Variants in LTV1 observed in about 807,000 individuals in gnomAD.
LTV1 encodes protein LTV1 homolog.
A neutral mutation model predicts 59.9 loss-of-function variants in LTV1; 39 were observed. The observed-to-expected ratio is 0.65, with a 90% CI of 0.50 to 0.85. The LOEUF (loss-of-function observed/expected upper bound fraction) is 0.85. LTV1 is among the 40% of genes least tolerant of loss of function. The probability of loss-of-function intolerance (pLI) is 0.00; values close to 1 mark genes in which losing one functional copy is unlikely to be tolerated. For synonymous variants in LTV1, 171 were observed against 189.5 expected, an observed-to-expected ratio of 0.90 and a Z score of 0.80; for missense variants, 493 against 549.1, an observed-to-expected ratio of 0.90 and a Z score of 1.02.
Position 143,857,653 on chromosome 6 carries a change from AC to A in LTV1, c.540-96del. Reference sequence around the variant, plus strand: ...CCTCACTCTTCCTGCCTAGACAAGAACCCTTCCTGAAATACCTTCCAATTTT... The same window carrying A: ...CCTCACTCTTCCTGCCTAGACAAGAACCTTCCTGAAATACCTTCCAATTTT... On this transcript the variant is annotated intron_variant, in intron 5 of 10. Coordinates refer to ENST00000367576, the MANE Select transcript of LTV1 (RefSeq NM_032860.5). The surrounding 1 kb of genome is among the most constrained non-coding windows in gnomAD (Gnocchi z 5.2). The A allele has an allele frequency of 7.3e-7, 1 of 1,363,440 alleles. No homozygotes were observed. Among genetic ancestry groups the A allele is most frequent in the South Asian group, 1.3e-5 (1 of 78,196 alleles). 84.5% of individuals were successfully genotyped at this position (1,363,440 alleles called of 1,614,324 possible).
At chr6:143,851,654 A>G (rs1403485639) in intron 4 of LTV1, among the ~76,000 whole-genome samples, 1 of 151,880 alleles carries the variant, frequency 6.6e-6, no homozygotes, top group Non-Finnish European at 1.5e-5. Flanking sequence ...TATACACGTC[A>G]TGGTGGTTTG....
In LTV1 at chr6:143,855,045, G is replaced by A. The variant is rs1018106552; in HGVS notation, c.398-2258G>A. On this transcript the variant is annotated intron_variant, in intron 4 of 10. Coordinates refer to ENST00000367576, the MANE Select transcript of LTV1 (RefSeq NM_032860.5). The surrounding 1 kb of genome is among the most constrained non-coding windows in gnomAD (Gnocchi z 4.6). ...TGATCTGTCTAATATTGACAGTGGGGTGTTAAAGTCTCCCATTATTATTGT... is the reference window on the plus strand; with the variant it reads ...TGATCTGTCTAATATTGACAGTGGGATGTTAAAGTCTCCCATTATTATTGT... Among the ~76,000 whole-genome samples the A allele has an allele frequency of 8.5e-5, 13 of 152,090 alleles. No individual in the cohort carries two copies. The highest frequency in any genetic ancestry group is 1.5e-4 in the Non-Finnish European group (10 of 68,014).
At chr6:143,851,865 T>C (rs2128491372) in intron 4 of LTV1, among the ~76,000 whole-genome samples, 1 of 152,292 alleles carries the variant, frequency 6.6e-6, no homozygotes, top group East Asian at 1.9e-4. Flanking sequence ...AGAGTGATGG[T>C]TTCCAGCTTC....
Position 143,862,320 on chromosome 6 carries a change from G to T in LTV1, c.1063+77G>T. 1 of 1,328,120 alleles carries T rather than the reference G, an allele frequency of 7.5e-7. No individual in the cohort carries two copies. Among genetic ancestry groups the T allele is most frequent in the Non-Finnish European group, 1.0e-6 (1 of 958,336 alleles). The allele number at this position is 1,328,120 out of a possible 1,614,324, so 82.3% of individuals were successfully genotyped here. A position where few individuals can be genotyped will look rare whatever the true frequency, so the allele number is the denominator to read the frequency against. ...CTTTAGGCTGGGTGCGGTGCCTCAC[G>T]CCTGTAGTAATCCCAGCACTTTGGG... On this transcript the variant is annotated intron_variant, in intron 8 of 10. Transcript: ENST00000367576. The surrounding 1 kb of genome is among the most constrained non-coding windows in gnomAD (Gnocchi z 4.2).
At position 143,845,905 on chromosome 6, in the gene LTV1, A is replaced by G. The variant is rs536447716; in HGVS notation, c.136-146A>G. 102 of 632,274 alleles carry G rather than the reference A, an allele frequency of 1.6e-4. 2 individuals carry two copies. Among genetic ancestry groups the G allele is most frequent in the Admixed American group, 6.9e-4 (20 of 29,022 alleles). 39.2% of individuals were successfully genotyped at this position (632,274 alleles called of 1,614,324 possible). ...GTCAAGAATTCTTTGTCTTTTTCCCATCAGCCAAAATGTTCATGTGCCATC... is the reference window on the plus strand; with the variant it reads ...GTCAAGAATTCTTTGTCTTTTTCCCGTCAGCCAAAATGTTCATGTGCCATC... On this transcript the variant is annotated intron_variant, in intron 2 of 10. Coordinates refer to ENST00000367576, the MANE Select transcript of LTV1 (RefSeq NM_032860.5).
chr6:143,845,507 C>T (rs1397083289), intron 2 of LTV1, among the ~76,000 whole-genome samples: 1 of 152,130 alleles, frequency 6.6e-6, no homozygotes, highest in Non-Finnish European at 1.5e-5. Flanking sequence ...TCCAGAGTAG[C>T]CGGTACTACA....
At position 143,857,279 on chromosome 6, in the gene LTV1, G is replaced by T; in HGVS notation, c.398-24G>T. ...AATTGTTGCTATCTTGGGAATTACTGCTTAATTTTTGTTTTCCTTCTAGGA... is the reference window on the plus strand; with the variant it reads ...AATTGTTGCTATCTTGGGAATTACTTCTTAATTTTTGTTTTCCTTCTAGGA... On this transcript the variant is annotated intron_variant, in intron 4 of 10. Transcript: ENST00000367576. This position sits in a 1 kb window ranked among gnomAD's most constrained non-coding sequence, Gnocchi z 5.2. 4 of 1,612,206 alleles carry T rather than the reference G, an allele frequency of 2.5e-6. No individual in the cohort carries two copies. The highest frequency in any genetic ancestry group is 3.4e-6 in the Non-Finnish European group (4 of 1,178,558).
In LTV1 at chr6:143,862,040, C is replaced by A; in HGVS notation, c.924-64C>A. ...CAGCTAAAAATTGCAGTTTTAGTGA[C>A]ATAGTATAATAATAGGTCATTTTTC... On this transcript the variant is annotated intron_variant, in intron 7 of 10. Transcript: ENST00000367576. This position sits in a 1 kb window ranked among gnomAD's most constrained non-coding sequence, Gnocchi z 4.2. 2 of 1,520,280 alleles carry A rather than the reference C, an allele frequency of 1.3e-6. No individual in the cohort carries two copies. The highest frequency in any genetic ancestry group is 8.9e-7 in the Non-Finnish European group (1 of 1,122,342). 94.2% of individuals were successfully genotyped at this position (1,520,280 alleles called of 1,614,324 possible).
intron 6 of LTV1, among the ~76,000 whole-genome samples, chr6:143,859,829 C>T (rs1405947051): frequency 6.6e-6 from 1 of 152,130 alleles, no homozygotes. Flanking sequence ...TTAGTCTAGG[C>T]GTAGTGTCTC....
At chr6:143,860,133 G>A (rs569788411) in intron 6 of LTV1, among the ~76,000 whole-genome samples, 21 of 152,208 alleles carry the variant, frequency 1.4e-4, no homozygotes, top group African/African-American at 3.6e-4. Context: ...ATGTTCTGAC[G>A]TAATCTGTGC....
rs772287295 is a variant in LTV1, at chr6:143,855,681, T to C, written c.398-1622T>C. The stretch of plus-strand genomic sequence containing the variant: ...AGCATTTGCTTATCTGGAAAGGATT[T>C]TATTTCTCCTTCACTTACAAAACTT... On this transcript the variant is annotated intron_variant, in intron 4 of 10. Transcript: ENST00000367576. The surrounding 1 kb of genome is among the most constrained non-coding windows in gnomAD (Gnocchi z 4.6). Among the ~76,000 whole-genome samples the C allele has an allele frequency of 1.2e-4, 18 of 152,216 alleles. No individual in the cohort carries two copies. The highest frequency in any genetic ancestry group is 2.4e-4 in the Non-Finnish European group (16 of 68,050).
intron 7 of LTV1, among the ~76,000 whole-genome samples, chr6:143,860,763 G>A (rs140474827): frequency 6.6e-6 from 1 of 152,158 alleles, no homozygotes; most frequent in Non-Finnish European, 1.5e-5. Flanking sequence ...CTTGGGTCAT[G>A]TATAGCTCAT....
chr6:143,854,593 A>G (rs1415772364), intron 4 of LTV1, among the ~76,000 whole-genome samples: 1 of 152,048 alleles, frequency 6.6e-6, no homozygotes, highest in African/African-American at 2.4e-5. Flanking sequence ...AGTGCTATAA[A>G]TTTCCCCTTA....
intron 3 of LTV1, among the ~76,000 whole-genome samples, chr6:143,848,001 T>C (rs1330855554): frequency 6.6e-6 from 1 of 152,172 alleles, no homozygotes; most frequent in Admixed American, 6.5e-5. Context: ...AGAAAGATGG[T>C]GGTGCTGTTG....
At position 143,857,724 on chromosome 6, in the gene LTV1, G is replaced by T; in HGVS notation, c.540-28G>T. On this transcript the variant is annotated intron_variant, in intron 5 of 10. Transcript: ENST00000367576. This position sits in a 1 kb window ranked among gnomAD's most constrained non-coding sequence, Gnocchi z 5.2. The stretch of plus-strand genomic sequence containing the variant: ...GTTCTGTTACTTTTTAAGTTGTTTT[G>T]GTAGGTAATTTATGACCTTTACTTT... 6.2e-7 allele frequency: 1 copy of T among 1,610,838 alleles called. No homozygotes were observed. Among genetic ancestry groups the T allele is most frequent in the Non-Finnish European group, 8.5e-7 (1 of 1,177,588 alleles).
intron 7 of LTV1, among the ~76,000 whole-genome samples, chr6:143,861,554 T>A (rs1158866749): frequency 6.6e-6 from 1 of 152,194 alleles, no homozygotes; most frequent in Non-Finnish European, 1.5e-5. Context: ...AAATGCCAGG[T>A]GTTCTGAGAA....
Position 143,857,349 on chromosome 6 carries a change from T to C in LTV1, c.444T>C (p.Asp148=), listed in dbSNP as rs1211887212. Residue 148 remains aspartate (D), a synonymous_variant, in exon 5 of 11, where the codon GAT becomes GAC. Transcript: ENST00000367576. The surrounding 1 kb of genome is among the most constrained non-coding windows in gnomAD (Gnocchi z 5.2). ...FDPDIVAALD[D]DFDFDDPDNL... is the part of the protein sequence containing the mutation. The stretch of plus-strand genomic sequence containing the variant: ...CTGACATTGTTGCAGCTCTTGATGA[T>C]GATTTTGACTTTGATGATCCAGATA... The C allele has an allele frequency of 6.2e-7, 1 of 1,614,104 alleles. No individual in the cohort carries two copies. Among genetic ancestry groups the C allele is most frequent in the Admixed American group, 1.7e-5 (1 of 60,030 alleles).
rs2128492449 is a variant in LTV1, at chr6:143,863,298, T to C, written c.1317+12T>C. 3 of 1,610,866 alleles carry C rather than the reference T, an allele frequency of 1.9e-6. No homozygotes were observed. In the East Asian group the frequency reaches 6.7e-5, roughly 36 times the overall value. On this transcript the variant is annotated intron_variant, in intron 10 of 10. Coordinates refer to ENST00000367576, the MANE Select transcript of LTV1 (RefSeq NM_032860.5). The surrounding 1 kb of genome is among the most constrained non-coding windows in gnomAD (Gnocchi z 4.5). The stretch of plus-strand genomic sequence containing the variant: ...AAGAAGAGCGCAAGGTAAAATATAT[T>C]TTTCAAATGTGAGATTTACAAAGAG...
chr6:143,843,897 G>A (rs1776845194), intron 1 of LTV1, among the ~76,000 whole-genome samples: 1 of 152,194 alleles, frequency 6.6e-6, no homozygotes, highest in Non-Finnish European at 1.5e-5. Context: ...TTGTGGGAGA[G>A]CATAAGGTTG....
Sources: allele counts gnomAD v4.1 joint callset (sites outside exome capture counted in the v4.1 genomes callset), GRCh38; gene constraint gnomAD v4.1.1; non-coding constraint Gnocchi (gnomAD v3.1); transcripts MANE v1.5; gene names NCBI Gene and HGNC (gene_info 2026-07-23, HGNC 2026-07-21).